The following ARFGEF1 variants were observed in gnomAD, a reference collection of about 807,000 sequenced individuals.
The protein encoded by ARFGEF1 is brefeldin A-inhibited guanine nucleotide-exchange protein 1.
In ARFGEF1, 42 loss-of-function variants were observed where a neutral mutation model predicts 231.0. That is an observed-to-expected ratio of 0.18 (90% CI 0.14 to 0.24). The LOEUF (loss-of-function observed/expected upper bound fraction) is 0.24. ARFGEF1 is among the 10% of genes least tolerant of loss of function. The probability of loss-of-function intolerance (pLI) is 1.00; values close to 1 mark genes in which losing one functional copy is unlikely to be tolerated. For synonymous variants in ARFGEF1, 710 were observed against 732.3 expected (o/e 0.97, Z 0.49); for missense variants, 1,345 against 2,192.0 (o/e 0.61, Z 7.72).
At position 67,218,155 on chromosome 8, in the gene ARFGEF1, T is replaced by C; in HGVS notation, c.4339-17A>G. On this transcript the variant is annotated splice_polypyrimidine_tract_variant and intron_variant, in intron 30 of 38. Transcript: ENST00000262215. ...TTCAGCTTTCTGGGGAAAAAAGTCA[T>C]TAATGAACATCACGCCATTAATCAA... is the stretch of plus-strand genomic sequence containing the variant. 1.5e-6 allele frequency: 2 copies of C among 1,365,184 alleles called. No individual in the cohort carries two copies. Among genetic ancestry groups the C allele is most frequent in the Non-Finnish European group, 1.9e-6 (2 of 1,050,662 alleles). The allele number at this position is 1,365,184 out of a possible 1,614,324, so 84.6% of individuals were successfully genotyped here. A position where few individuals can be genotyped will look rare whatever the true frequency, so the allele number is the denominator to read the frequency against.
At chr8:67,173,810 GT>G (rs1830978002), downstream of ARFGEF1, 1 of 152,102 alleles carries the variant, frequency 6.6e-6, no homozygotes, top group Non-Finnish European at 1.5e-5. Flanking sequence ...AACCCAGTGG[GT>G]CTCATGAGGA....
intron 1 of ARFGEF1, among the ~76,000 whole-genome samples, chr8:67,334,493 T>A: frequency 6.6e-6 from 1 of 152,312 alleles, no homozygotes; most frequent in East Asian, 1.9e-4. Context: ...CTGGTGGGTA[T>A]GTAGGCTGGA....
chr8:67,269,184 A>ATTT (rs1377599486), intron 10 of ARFGEF1, among the ~76,000 whole-genome samples: 3 of 152,170 alleles, frequency 2.0e-5, no homozygotes, highest in Non-Finnish European at 4.4e-5. Context: ...AAAGTTGTAC[A>ATTT]TAAACTGTAT....
Position 67,224,826 on chromosome 8 carries a change from T to C in ARFGEF1, c.4208+77A>G, listed in dbSNP as rs1282228365. Reference sequence around the variant, plus strand: ...GATTTTATGGTCTTTAACTGTGAGATTGTGTTTATAAAGAAGAGTTAATTT... The same window carrying C: ...GATTTTATGGTCTTTAACTGTGAGACTGTGTTTATAAAGAAGAGTTAATTT... On this transcript the variant is annotated intron_variant, in intron 29 of 38. Transcript: ENST00000262215. 47 of 1,022,878 alleles carry C rather than the reference T, an allele frequency of 4.6e-5. No individual in the cohort carries two copies. The East Asian group carries it at 7.5e-4, about 16-fold the overall frequency. The allele number at this position is 1,022,878 out of a possible 1,614,324, so 63.4% of individuals were successfully genotyped here.
intron 1 of ARFGEF1, among the ~76,000 whole-genome samples, chr8:67,328,717 CT>C (rs758406207): frequency 6.6e-5 from 10 of 152,136 alleles, no homozygotes; most frequent in Non-Finnish European, 1.5e-4. Context: ...GAGTTGTAAA[CT>C]AAATGTGTAT....
chr8:67,263,422 G>A (rs1049563895), intron 14 of ARFGEF1, among the ~76,000 whole-genome samples: 1 of 152,186 alleles, frequency 6.6e-6, no homozygotes, highest in Non-Finnish European at 1.5e-5. Context: ...TCTGCTTAAA[G>A]TCCTTCACTA....
At chr8:67,299,435 C>G (rs749535118) in intron 3 of ARFGEF1, 80 bp from the exon 4 acceptor site, 26 of 1,312,334 alleles carry the variant, frequency 2.0e-5, no homozygotes, top group Non-Finnish European at 2.6e-5. Context: ...ATTAAAATTA[C>G]AGTATACAAT....
chr8:67,183,785 C>T (rs777678890), intron 5 of ARFGEF1, among the ~76,000 whole-genome samples: 5 of 149,682 alleles, frequency 3.3e-5, no homozygotes, highest in Non-Finnish European at 5.9e-5. Flanking sequence ...GATAAAAAAC[C>T]AAAGCCACAA....
chr8:67,284,629 G>A (rs1385356748), intron 7 of ARFGEF1, among the ~76,000 whole-genome samples: 1 of 152,148 alleles, frequency 6.6e-6, no homozygotes, highest in East Asian at 1.9e-4. Context: ...GGTTTTCAAT[G>A]TAGGAAACGG....
intron 33 of ARFGEF1, 30 bp downstream of exon 33, chr8:67,216,560 T>C (rs201129682): frequency 3.0e-5 from 47 of 1,564,674 alleles, no homozygotes; most frequent in Non-Finnish European, 4.1e-5. Flanking sequence ...AAATAACTAA[T>C]TTCAATATAC....
chr8:67,204,305 A>T (rs930793442), intron 35 of ARFGEF1, among the ~76,000 whole-genome samples: 1 of 152,116 alleles, frequency 6.6e-6, no homozygotes, highest in Non-Finnish European at 1.5e-5. Context: ...ATATCACTTG[A>T]CCTATCCAGA....
intron 6 of ARFGEF1, among the ~76,000 whole-genome samples, chr8:67,289,040 T>C (rs1805885071): frequency 6.6e-6 from 1 of 152,072 alleles, no homozygotes; most frequent in Admixed American, 6.5e-5. Flanking sequence ...TGAAATCTGA[T>C]GTTCTGGATA....
Position 67,204,681 on chromosome 8 carries a change from T to C in ARFGEF1, c.4958A>G (p.Gln1653Arg), listed in dbSNP as rs1164047191. 3.7e-6 allele frequency: 6 copies of C among 1,612,984 alleles called. No homozygotes were observed. Among genetic ancestry groups the C allele is most frequent in the Non-Finnish European group, 5.1e-6 (6 of 1,179,518 alleles). ...KEDAENLAAA[Q>R]RDAVDFDVRV... The stretch of plus-strand genomic sequence containing the variant: ...GCAGCTGTCCTCCTATCTCCTTACC[T>C]GTGCTGCAGCTAAGTTTTCTGCATC... Residue 1653 changes from glutamine to arginine, a missense_variant and splice_region_variant, in exon 35 of 39, where the codon CAG becomes CGG. Physicochemically the swap from Gln to Arg is conservative, Grantham distance 43. This residue lies in a region of ARFGEF1 where 161 missense variants were observed against 284.9 expected (regional missense o/e 0.57). Transcript: ENST00000262215.
intron 15 of ARFGEF1, among the ~76,000 whole-genome samples, 188 bp from the exon 16 acceptor site, chr8:67,258,478 CTGCGCCCAGCT>C (rs1270256564): frequency 2.0e-5 from 3 of 152,134 alleles, no homozygotes; most frequent in African/African-American, 7.2e-5. Flanking sequence ...GCGCCTGCTA[CTGCGCCCAGCT>C]AATTTTTTTT....
chr8:67,282,374 A>T (rs1027474710), intron 7 of ARFGEF1, among the ~76,000 whole-genome samples: 1 of 152,206 alleles, frequency 6.6e-6, no homozygotes, highest in African/African-American at 2.4e-5. Context: ...ACAGAAAAAT[A>T]AATCTGAGAT....
At chr8:67,239,632 T>C (rs1839870646) in intron 20 of ARFGEF1, among the ~76,000 whole-genome samples, 1 of 152,232 alleles carries the variant, frequency 6.6e-6, no homozygotes, top group Non-Finnish European at 1.5e-5. Context: ...AGCTACGCTA[T>C]ACTTTTTGCA....
downstream of ARFGEF1, among the ~76,000 whole-genome samples, chr8:67,193,250 C>G (rs1836915219): frequency 6.6e-6 from 1 of 152,124 alleles, no homozygotes; most frequent in African/African-American, 2.4e-5. Flanking sequence ...AGGCGCCTGC[C>G]ACCATGCCCA....
intron 10 of ARFGEF1, among the ~76,000 whole-genome samples, chr8:67,271,045 G>GAAAAAAAAAAAAAAAAA (rs1563878469): frequency 5.3e-4 from 37 of 69,626 alleles, no homozygotes; most frequent in Middle Eastern, 6.6e-3. Flanking sequence ...AAAAAAAAAG[G>GAAAAAAAAAAAAAAAAA]AAAAAGAAAA....
chr8:67,261,540 TC>T (rs1804620544), intron 14 of ARFGEF1, among the ~76,000 whole-genome samples: 1 of 152,230 alleles, frequency 6.6e-6, no homozygotes, highest in African/African-American at 2.4e-5. Context: ...AAGAGAAGAT[TC>T]CTTTCAAAAG....
Sources: gnomAD v4.1 joint callset for allele counts (sites outside exome capture counted in the v4.1 genomes callset) on GRCh38, gnomAD v4.1.1 for gene constraint, gnomAD v4.1.1 regional missense constraint, MANE v1.5 for transcripts, NCBI Gene and HGNC (gene_info 2026-07-23, HGNC 2026-07-21) for gene names.